DLG2: variants seen among roughly 807,000 people sequenced by gnomAD.
DLG2 encodes disks large homolog 2.
A neutral mutation model predicts 132.5 loss-of-function variants in DLG2; 45 were observed. The ratio of observed to expected loss-of-function variants is 0.34; its 90% CI spans 0.27 to 0.44. The LOEUF (loss-of-function observed/expected upper bound fraction) is 0.44, where lower values mean the gene tolerates loss of function less well. Ranked by LOEUF, DLG2 falls within the 20% of genes least tolerant of loss-of-function variation. The pLI is 1.00. For synonymous variants in DLG2, 424 were observed against 419.6 expected (o/e 1.01, Z -0.13); for missense variants, 1,045 against 1,196.9 (o/e 0.87, Z 1.87).
intron 6 of DLG2, among the ~76,000 whole-genome samples, chr11:84,869,276 C>G (rs563402003): frequency 6.6e-6 from 1 of 152,114 alleles, no homozygotes; most frequent in African/African-American, 2.4e-5. Flanking sequence ...TGCCATGGAC[C>G]TTCCTATTTA....
chr11:84,190,130 G>T (rs1004937436), intron 8 of DLG2, among the ~76,000 whole-genome samples: 2 of 151,622 alleles, frequency 1.3e-5, no homozygotes, highest in African/African-American at 4.9e-5. Flanking sequence ...GCCAGATAAA[G>T]GTCTTGCACA....
At chr11:85,498,046 A>T (rs1597953471) in intron 3 of DLG2, among the ~76,000 whole-genome samples, 1 of 152,226 alleles carries the variant, frequency 6.6e-6, no homozygotes, top group East Asian at 1.9e-4. Context: ...ACCAGCTACC[A>T]TCATAATGAC....
intron 18 of DLG2, among the ~76,000 whole-genome samples, chr11:83,704,437 G>C (rs1566616168): frequency 6.6e-6 from 1 of 151,916 alleles, no homozygotes; most frequent in Non-Finnish European, 1.5e-5. Flanking sequence ...TTTTAAACAT[G>C]CTTCTGTATT....
chr11:85,111,890 C>T (rs1363659384), intron 5 of DLG2, among the ~76,000 whole-genome samples, 155 bp from the exon 6 acceptor site: 7 of 152,060 alleles, frequency 4.6e-5, no homozygotes, highest in Admixed American at 4.6e-4. Context: ...AAACTAGGTA[C>T]ATAATTTCTA....
chr11:83,476,198 C>G (rs568919615), intron 22 of DLG2, among the ~76,000 whole-genome samples: 1 of 152,162 alleles, frequency 6.6e-6, no homozygotes, highest in African/African-American at 2.4e-5. Context: ...TAATTAGGTT[C>G]TTAGAGTCAT....
chr11:84,276,374 A>G (rs1378865258), intron 7 of DLG2, among the ~76,000 whole-genome samples: 1 of 152,170 alleles, frequency 6.6e-6, no homozygotes, highest in Non-Finnish European at 1.5e-5. Flanking sequence ...CCTACTTTCT[A>G]AGTTCAAGTG....
chr11:83,899,749 T>C (rs988354890), intron 15 of DLG2, among the ~76,000 whole-genome samples: 20 of 152,206 alleles, frequency 1.3e-4, no homozygotes, highest in Admixed American at 1.2e-3. Context: ...GTCTCTTGTA[T>C]GTCTTTATCA....
At chr11:84,008,931 T>A (rs910735443) in intron 11 of DLG2, among the ~76,000 whole-genome samples, 2 of 149,230 alleles carry the variant, frequency 1.3e-5, no homozygotes, top group African/African-American at 5.1e-5. Context: ...TTGTTTTTTT[T>A]TTTTGTTGTT....
In DLG2 at chr11:84,777,281, GTATATATATATATATATA is replaced by G. The variant is rs71036441; in HGVS notation, c.358-242568_358-242551del. Among the ~76,000 whole-genome samples the G allele has an allele frequency of 2.8e-3, 270 of 95,012 alleles. 4 individuals are homozygous for G. Among genetic ancestry groups the G allele is most frequent in the South Asian group, 0.019 (45 of 2,390 alleles). 62.3% of individuals were successfully genotyped at this position (95,012 alleles called of 152,430 possible). A position where few individuals can be genotyped will look rare whatever the true frequency, so the allele number is the denominator to read the frequency against. The stretch of plus-strand genomic sequence containing the variant: ...TGTGTGTGTATGTATATGTGTGTGT[GTATATATATATATATATA>G]TATATATATATATATATATATATAT... On this transcript the variant is annotated intron_variant, in intron 6 of 27. Coordinates refer to ENST00000376104, the MANE Select transcript of DLG2 (RefSeq NM_001142699.3).
intron 10 of DLG2, among the ~76,000 whole-genome samples, chr11:84,071,024 C>A (rs78317642): frequency 0.024 from 3,704 of 152,304 alleles, 143 homozygotes; most frequent in African/African-American, 0.084. Context: ...TTTAGCCACA[C>A]ATCCAATCTA....
chr11:83,890,326 GT>G (rs1009393825), intron 15 of DLG2, among the ~76,000 whole-genome samples: 3 of 149,336 alleles, frequency 2.0e-5, no homozygotes, highest in Non-Finnish European at 3.0e-5. Context: ...AAAAGGTAGA[GT>G]TTTTTTTTTG....
intron 8 of DLG2, among the ~76,000 whole-genome samples, chr11:84,234,371 A>C (rs1263523819): frequency 6.6e-6 from 1 of 152,090 alleles, no homozygotes; most frequent in Non-Finnish European, 1.5e-5. Flanking sequence ...CCATCAGTTG[A>C]ATTCTTTCTT....
chr11:84,535,995 A>C (rs1205798081), intron 6 of DLG2, among the ~76,000 whole-genome samples: 1 of 151,232 alleles, frequency 6.6e-6, no homozygotes, highest in Admixed American at 6.6e-5. Flanking sequence ...TCTCAGACTG[A>C]CTCATAGTGG....
At chr11:84,099,750 TAC>T (rs2092254429) in intron 9 of DLG2, among the ~76,000 whole-genome samples, 1 of 147,250 alleles carries the variant, frequency 6.8e-6, no homozygotes, top group Non-Finnish European at 1.5e-5. Context: ...TATATATATA[TAC>T]ATATATACAT....
intron 16 of DLG2, among the ~76,000 whole-genome samples, chr11:83,845,876 A>G (rs1245063580): frequency 6.6e-6 from 1 of 151,702 alleles, no homozygotes; most frequent in Non-Finnish European, 1.5e-5. Flanking sequence ...AGTAATATCT[A>G]TTTTCTGGCA....
chr11:83,598,916 C>G (rs914473506), intron 19 of DLG2, among the ~76,000 whole-genome samples: 11 of 152,204 alleles, frequency 7.2e-5, no homozygotes, highest in Admixed American at 3.3e-4. Context: ...TGCCCTAAAT[C>G]TGCCACACAT....
intron 7 of DLG2, among the ~76,000 whole-genome samples, chr11:84,328,513 T>C (rs2098443954): frequency 6.6e-6 from 1 of 152,192 alleles, no homozygotes; most frequent in Non-Finnish European, 1.5e-5. Context: ...TGCCTGGCTT[T>C]TGGAGCTGTC....
intron 6 of DLG2, among the ~76,000 whole-genome samples, chr11:84,888,437 C>G (rs1490268447): frequency 6.6e-6 from 1 of 152,076 alleles, no homozygotes; most frequent in East Asian, 1.9e-4. Context: ...CTTAAAACAG[C>G]ACCATTCCTA....
chr11:85,426,874 C>G (rs1240896587), intron 3 of DLG2, among the ~76,000 whole-genome samples: 1 of 151,942 alleles, frequency 6.6e-6, no homozygotes, highest in African/African-American at 2.4e-5. Flanking sequence ...AGTTAAAAAC[C>G]TTGAAAAAAA....
Sources: allele counts gnomAD v4.1 joint callset (sites outside exome capture counted in the v4.1 genomes callset), GRCh38; gene constraint gnomAD v4.1.1; transcripts MANE v1.5; gene names NCBI Gene and HGNC (gene_info 2026-07-23, HGNC 2026-07-21).